Variants in LINS1 observed in about 807,000 individuals in gnomAD.
The protein encoded by LINS1 is protein Lines homolog 1.
A neutral mutation model predicts 41.6 loss-of-function variants in LINS1; 27 were observed. That is an observed-to-expected ratio of 0.65 (90% confidence interval 0.48 to 0.89). The LOEUF (loss-of-function observed/expected upper bound fraction) is 0.89, where lower values mean the gene tolerates loss of function less well. Among genes scored for constraint, LINS1 ranks in the 40% least tolerant of loss-of-function variants. LINS1 has a pLI of 0.00. For synonymous variants in LINS1, 336 were observed against 312.9 expected (o/e 1.07, Z -0.78); for missense variants, 955 against 884.1 (o/e 1.08, Z -1.02).
chr15:100,575,410 A>G (rs2038108357), intron 3 of LINS1, among the ~76,000 whole-genome samples: 1 of 152,214 alleles, frequency 6.6e-6, no homozygotes, highest in African/African-American at 2.4e-5. Context: ...ACCAACAAAC[A>G]TCAAAAGAGA....
chr15:100,572,979 TG>T (rs1161703913), intron 5 of LINS1: 1 of 275,752 alleles, frequency 3.6e-6, no homozygotes, highest in African/African-American at 2.3e-5. Context: ...GCAGTGAGCC[TG>T]GGAGACAGAG....
chr15:100,574,354 GT>G, intron 4 of LINS1, 113 bp from the exon 5 acceptor site: 1 of 741,092 alleles, frequency 1.3e-6, no homozygotes, highest in Non-Finnish European at 2.3e-6. Flanking sequence ...GATTTGGAAT[GT>G]TTACCTCTAA....
chr15:100,575,570 T>C (rs2038122021), intron 3 of LINS1, among the ~76,000 whole-genome samples: 1 of 152,086 alleles, frequency 6.6e-6, no homozygotes, highest in South Asian at 2.1e-4. Flanking sequence ...CACACAATAA[T>C]AATGGGAGAC....
intron 1 of LINS1, among the ~76,000 whole-genome samples, chr15:100,601,602 A>G (rs1237511603): frequency 6.6e-6 from 1 of 151,850 alleles, no homozygotes. Flanking sequence ...CGATTCCACC[A>G]TTCTGCTTGA....
rs115622883 is a variant in LINS1, at chr15:100,590,733, G to A, written c.-103-9788C>T. On this transcript the variant is annotated intron_variant, in intron 1 of 6. Transcript: ENST00000314742. ...CAAATGAAAAGTATAGAGATTCATC[G>A]TAGGGGATTAACAAAGAGATTGCTT... is the stretch of plus-strand genomic sequence containing the variant. 2.6e-3 allele frequency among the ~76,000 whole-genome samples: 401 copies of A among 152,294 alleles called. 2 individuals carry two copies. Among genetic ancestry groups the A allele is most frequent in the African/African-American group, 8.6e-3 (356 of 41,566 alleles).
chr15:100,598,774 G>A (rs1395834423), intron 1 of LINS1, among the ~76,000 whole-genome samples: 1 of 152,222 alleles, frequency 6.6e-6, no homozygotes, highest in Non-Finnish European at 1.5e-5. Context: ...AAACTGTGCT[G>A]CATCTGTCTT....
intron 1 of LINS1, among the ~76,000 whole-genome samples, chr15:100,590,984 G>T (rs775990704): frequency 6.6e-6 from 1 of 152,078 alleles, no homozygotes; most frequent in Non-Finnish European, 1.5e-5. Context: ...TTTGAGACCA[G>T]CCTGGCCAAC....
Position 100,580,867 on chromosome 15 carries a change from A to C in LINS1, c.-25T>G. 5 of 1,599,976 alleles carry C rather than the reference A, an allele frequency of 3.1e-6. No individual in the cohort carries two copies. Among genetic ancestry groups the C allele is most frequent in the Non-Finnish European group, 4.3e-6 (5 of 1,171,216 alleles). ...TTTTGACTTCCAAAATGTATCTTAT[A>C]AGAAGGTCGACAACTCCAAGTTGTA... On this transcript the variant is annotated 5_prime_UTR_variant, in exon 2 of 7. Transcript: ENST00000314742.
chr15:100,590,887 C>T lies in LINS1; in HGVS notation c.-103-9942G>A, dbSNP rs563543469. ...GGTATTATCCTCCCAATAGTCATAA[C>T]AATAGTCTCGGCCAGGCATGGTAGC... is the stretch of plus-strand genomic sequence containing the variant. On this transcript the variant is annotated intron_variant, in intron 1 of 6. Transcript: ENST00000314742. Among the ~76,000 whole-genome samples the T allele has an allele frequency of 2.0e-5, 3 of 152,258 alleles. No homozygotes were observed. In the East Asian group the frequency reaches 5.8e-4, roughly 29 times the overall value.
chr15:100,572,726 A>C (rs1373461151), intron 5 of LINS1: 1 of 984,912 alleles, frequency 1.0e-6, no homozygotes, highest in East Asian at 1.1e-4. Flanking sequence ...CTGCCTGTTT[A>C]GAGACATTTA....
chr15:100,571,501 A>G (rs531550536), intron 6 of LINS1, among the ~76,000 whole-genome samples: 1 of 152,296 alleles, frequency 6.6e-6, no homozygotes. Context: ...AGCTTCTTTG[A>G]TTATTTCTAA....
intron 1 of LINS1, among the ~76,000 whole-genome samples, 175 bp from the exon 2 acceptor site, chr15:100,581,120 T>C (rs878911630): frequency 1.1e-4 from 17 of 152,318 alleles, no homozygotes; most frequent in Admixed American, 7.8e-4. Context: ...CAATGAAATG[T>C]ATGCTTTCCA....
At chr15:100,587,804 C>G (rs1602913) in intron 1 of LINS1, among the ~76,000 whole-genome samples, 68,327 of 152,012 alleles carry the variant, frequency 0.45, 16,038 homozygotes, top group Non-Finnish European at 0.53. Context: ...CTTGATTATA[C>G]TTTTGTAAAT....
At chr15:100,593,502 C>A (rs2039124712) in intron 1 of LINS1, among the ~76,000 whole-genome samples, 1 of 142,436 alleles carries the variant, frequency 7.0e-6, no homozygotes, top group Admixed American at 7.4e-5. Context: ...AATCGTTAAA[C>A]TTTATTGAGT....
rs141855950 is a variant in LINS1 at position 100,569,699 on chromosome 15, T to C, written c.1813A>G (p.Met605Val). 5,521 of 1,613,844 alleles carry C rather than the reference T, an allele frequency of 3.4e-3. 15 individuals are homozygous for C. The highest frequency in any genetic ancestry group is 4.3e-3 in the Non-Finnish European group (5,033 of 1,179,880). Residue 605 changes from methionine to valine, a missense_variant, in exon 7 of 7, where the codon ATG becomes GTG. Met to Val is a conservative substitution (Grantham distance 21). Transcript: ENST00000314742. Reference protein sequence around the residue: ...DAPSEPLKAVMSKGAHTMCAS... With the variant: ...DAPSEPLKAVVSKGAHTMCAS... ...CACATGGTGTGAGCCCCCTTGGACA[T>C]CACAGCTTTCAGTGGTTCAGAGGGA... is the stretch of plus-strand genomic sequence containing the variant.
rs2037862197 is a variant in LINS1, at chr15:100,572,069, CAA to C, written c.1223-6_1223-5del. ...GACATGAACCTCTGTAAGTCAACTT[CAA>C]AAAATGAAAATTTCAAAGTGTAGGC... On this transcript the variant is annotated splice_polypyrimidine_tract_variant and splice_region_variant and intron_variant, in intron 5 of 6. Transcript: ENST00000314742. 1.2e-6 allele frequency: 2 copies of C among 1,613,804 alleles called. No homozygotes were observed. Among genetic ancestry groups the C allele is most frequent in the Admixed American group, 3.3e-5 (2 of 59,974 alleles).
At chr15:100,572,524 C>T (rs1048744697) in intron 5 of LINS1, 2 of 1,001,466 alleles carry the variant, frequency 2.0e-6, no homozygotes, top group Non-Finnish European at 2.4e-6. Context: ...CTATTAAGCA[C>T]AAAAATAAAA....
rs750281247 is a variant in LINS1 at position 100,580,562 on chromosome 15, G to A, written c.281C>T (p.Thr94Ile). ...GSREVMLLQL[T>I]VIKVMTTRIL... is the part of the protein sequence containing the mutation. ...CCGGGTTGTCATCACTTTGATCACTGTTAACTGAAGGAGCATTACTTCTCT... is the reference window on the plus strand; with the variant it reads ...CCGGGTTGTCATCACTTTGATCACTATTAACTGAAGGAGCATTACTTCTCT... The change falls in exon 2 of 7, where the codon ACA (threonine) becomes ATA (isoleucine). Residue 94 changes from threonine (T) to isoleucine (I), a missense_variant. Transcript: ENST00000314742. The A allele has an allele frequency of 6.8e-6, 11 of 1,613,932 alleles. No individual in the cohort carries two copies. The highest frequency in any genetic ancestry group is 5.1e-6 in the Non-Finnish European group (6 of 1,179,976).
chr15:100,598,135 T>G (rs2039328049), intron 1 of LINS1, among the ~76,000 whole-genome samples: 1 of 152,218 alleles, frequency 6.6e-6, no homozygotes, highest in Non-Finnish European at 1.5e-5. Context: ...GTGCCCTGTC[T>G]TACAGAATGT....
Sources: allele counts gnomAD v4.1 joint callset (sites outside exome capture counted in the v4.1 genomes callset), GRCh38; gene constraint gnomAD v4.1.1; transcripts MANE v1.5; gene names NCBI Gene and HGNC (gene_info 2026-07-23, HGNC 2026-07-21).